The following AKT3 variants were observed in gnomAD, a reference collection of about 807,000 sequenced individuals.
AKT3 encodes AKT serine/threonine kinase 3, also known as RAC-gamma serine/threonine-protein kinase.
Under a neutral mutation model 65.3 loss-of-function variants are expected in AKT3, and 15 were observed. That is an observed-to-expected ratio of 0.23 (90% CI 0.15 to 0.35). AKT3 has a LOEUF of 0.35. AKT3 is among the 10% of genes least tolerant of loss of function. The probability of loss-of-function intolerance (pLI) is 1.00; values close to 1 mark genes in which losing one functional copy is unlikely to be tolerated. For missense variants in AKT3, 243 were observed against 576.5 expected, an observed-to-expected ratio of 0.42 and a Z score of 5.92; for synonymous variants, 206 against 183.8, an observed-to-expected ratio of 1.12 and a Z score of -0.98.
At chr1:243,823,001 C>T (rs994238985) in intron 2 of AKT3, among the ~76,000 whole-genome samples, 7 of 152,108 alleles carry the variant, frequency 4.6e-5, no homozygotes, top group Non-Finnish European at 8.8e-5. Flanking sequence ...AGCCAATATC[C>T]CTGATGAACA....
intron 4 of AKT3, among the ~76,000 whole-genome samples, chr1:243,654,411 A>G (rs546328900): frequency 6.6e-6 from 1 of 152,274 alleles, no homozygotes; most frequent in Non-Finnish European, 1.5e-5. Flanking sequence ...TCCTCCTGAG[A>G]TTATTCTTAT....
chr1:243,575,235 C>G (rs1437598893), intron 8 of AKT3, among the ~76,000 whole-genome samples: 1 of 152,200 alleles, frequency 6.6e-6, no homozygotes, highest in African/African-American at 2.4e-5. Context: ...TGACTCTCTC[C>G]TGATTTGCCT....
In AKT3 at chr1:243,499,854, T is replaced by C; in HGVS notation, c.*5395A>G. The C allele has an allele frequency of 1.3e-6, 2 of 1,486,800 alleles. No homozygotes were observed. Among genetic ancestry groups the C allele is most frequent in the Non-Finnish European group, 1.9e-6 (2 of 1,070,352 alleles). The allele number at this position is 1,486,800 out of a possible 1,614,324, so 92.1% of individuals were successfully genotyped here. ...TTACATTCATCTGGTTTAGACTTAA[T>C]ATGCCACAACGCACCACGACCTTCC... On this transcript the variant is annotated 3_prime_UTR_variant, in exon 14 of 14. Coordinates refer to ENST00000673466, the MANE Select transcript of AKT3 (RefSeq NM_005465.7).
At chr1:243,561,965 T>C (rs1673816757) in intron 10 of AKT3, among the ~76,000 whole-genome samples, 1 of 152,106 alleles carries the variant, frequency 6.6e-6, no homozygotes, top group Non-Finnish European at 1.5e-5. Context: ...AGTAAGGGTA[T>C]GACAGAAATG....
intron 2 of AKT3, among the ~76,000 whole-genome samples, chr1:243,809,135 A>T (rs1008161835): frequency 6.6e-6 from 1 of 152,246 alleles, no homozygotes; most frequent in Non-Finnish European, 1.5e-5. Context: ...AACGAGCAAA[A>T]TAACCAGCTA....
chr1:243,729,257 G>A (rs908985194), intron 2 of AKT3, among the ~76,000 whole-genome samples: 5 of 151,942 alleles, frequency 3.3e-5, no homozygotes, highest in African/African-American at 2.4e-5. Flanking sequence ...GTCAAGAGGG[G>A]GCTTTTCTTT....
intron 4 of AKT3, among the ~76,000 whole-genome samples, chr1:243,649,242 T>C (rs562255369): frequency 1.3e-5 from 2 of 152,064 alleles, no homozygotes; most frequent in East Asian, 1.9e-4. Context: ...TTACAGAACA[T>C]ACACCATATA....
At chr1:243,826,872 CAAACAAA>C (rs1694201148) in intron 2 of AKT3, among the ~76,000 whole-genome samples, 1 of 151,884 alleles carries the variant, frequency 6.6e-6, no homozygotes, top group East Asian at 1.9e-4. Context: ...AGTAATTGTA[CAAACAAA>C]AAGCAAACAT....
intron 13 of AKT3, among the ~76,000 whole-genome samples, chr1:243,490,794 A>ACTCCC (rs1450840133): frequency 6.6e-6 from 1 of 151,416 alleles, no homozygotes; most frequent in Non-Finnish European, 1.5e-5. Flanking sequence ...GACCAGTGCC[A>ACTCCC]CTCCCCTCCC....
intron 2 of AKT3, among the ~76,000 whole-genome samples, chr1:243,750,414 C>T (rs1217066637): frequency 1.9e-5 from 1 of 51,314 alleles, no homozygotes; most frequent in Non-Finnish European, 9.3e-5. Flanking sequence ...CGTATACACA[C>T]ACACACACAC....
chr1:243,716,072 GA>G (rs770709310), intron 2 of AKT3, among the ~76,000 whole-genome samples: 14 of 152,026 alleles, frequency 9.2e-5, no homozygotes, highest in Admixed American at 2.0e-4. Context: ...TGTCTGTAAG[GA>G]AAAATTAAGA....
At chr1:243,750,867 C>T (rs1688770675) in intron 2 of AKT3, among the ~76,000 whole-genome samples, 1 of 152,088 alleles carries the variant, frequency 6.6e-6, no homozygotes, top group Non-Finnish European at 1.5e-5. Context: ...CAGGTATGAG[C>T]CACCACACCT....
intron 6 of AKT3, among the ~76,000 whole-genome samples, chr1:243,617,499 A>G (rs917965579): frequency 3.3e-5 from 5 of 152,142 alleles, no homozygotes; most frequent in African/African-American, 1.2e-4. Context: ...ATAAGATCCC[A>G]TTGCTCACAG....
At chr1:243,632,497 G>A (rs936573680) in intron 6 of AKT3, among the ~76,000 whole-genome samples, 1 of 152,178 alleles carries the variant, frequency 6.6e-6, no homozygotes, top group Admixed American at 6.5e-5. Context: ...ACTGATAAGA[G>A]AACAGGCAGT....
intron 10 of AKT3, among the ~76,000 whole-genome samples, chr1:243,555,124 T>C (rs1673325395): frequency 6.6e-6 from 1 of 152,200 alleles, no homozygotes; most frequent in Non-Finnish European, 1.5e-5. Flanking sequence ...AGATACATAA[T>C]GCTATAATTA....
At chr1:243,811,866 C>T (rs1209913079) in intron 2 of AKT3, among the ~76,000 whole-genome samples, 3 of 152,086 alleles carry the variant, frequency 2.0e-5, no homozygotes, top group Admixed American at 2.0e-4. Flanking sequence ...GAAATAATAC[C>T]ACACGTCTAC....
chr1:243,572,669 T>C (rs890948726), intron 9 of AKT3, among the ~76,000 whole-genome samples: 5 of 152,190 alleles, frequency 3.3e-5, no homozygotes, highest in African/African-American at 9.7e-5. Flanking sequence ...TTTGACTTAA[T>C]CACGTTTAAC....
At chr1:243,808,580 A>G (rs1158893244) in intron 2 of AKT3, among the ~76,000 whole-genome samples, 1 of 152,220 alleles carries the variant, frequency 6.6e-6, no homozygotes, top group Non-Finnish European at 1.5e-5. Flanking sequence ...TGACAGGGAG[A>G]ATGGAACCAA....
At position 243,509,117 on chromosome 1, in the gene AKT3, C is replaced by T. The variant is rs562291504; in HGVS notation, c.1354+3207G>A. ...ATTTAAAGACACCAAGGTTGTAGGG[C>T]TTTTACAGCATGATCCATGTCTGAA... On this transcript the variant is annotated intron_variant, in intron 13 of 13. Coordinates refer to ENST00000673466, the MANE Select transcript of AKT3 (RefSeq NM_005465.7). 1.1e-4 allele frequency among the ~76,000 whole-genome samples: 16 copies of T among 152,216 alleles called. No homozygotes were observed. The South Asian group carries it at 2.3e-3, about 22-fold the overall frequency.
Sources: allele counts gnomAD v4.1 joint callset (sites outside exome capture counted in the v4.1 genomes callset), GRCh38; gene constraint gnomAD v4.1.1; transcripts MANE v1.5; gene names NCBI Gene and HGNC (gene_info 2026-07-23, HGNC 2026-07-21).